AFF3: variants seen among roughly 807,000 people sequenced by gnomAD.
The protein encoded by AFF3 is ALF transcription elongation factor 3.
In AFF3, 32 loss-of-function variants were observed where a neutral mutation model predicts 129.7. That is an observed-to-expected ratio of 0.25 (90% CI 0.19 to 0.33). The LOEUF is 0.33. AFF3 is among the 10% of genes least tolerant of loss of function. The pLI, the probability that AFF3 is intolerant of heterozygous loss-of-function variation, is 1.00. For synonymous variants in AFF3, 644 were observed against 635.4 expected (o/e 1.01, Z -0.20); for missense variants, 1,373 against 1,592.0 (o/e 0.86, Z 2.34).
intron 13 of AFF3, among the ~76,000 whole-genome samples, chr2:99,649,358 G>A (rs186408483): frequency 4.6e-4 from 70 of 152,216 alleles, no homozygotes; most frequent in Admixed American, 3.8e-3. Context: ...AGAATTTACC[G>A]CACCACTCAG....
chr2:99,709,891 C>A (rs554924803), intron 11 of AFF3, among the ~76,000 whole-genome samples: 4 of 152,218 alleles, frequency 2.6e-5, no homozygotes, highest in Non-Finnish European at 5.9e-5. Flanking sequence ...ACTGGGTTTC[C>A]AGCCATCTGG....
At chr2:99,968,816 CCTTTAT>C (rs1292911038) in intron 7 of AFF3, among the ~76,000 whole-genome samples, 14 of 152,308 alleles carry the variant, frequency 9.2e-5, no homozygotes, top group Middle Eastern at 3.4e-3. Flanking sequence ...CCTGCCTTTC[CCTTTAT>C]AAGTTTCACC....
intron 8 of AFF3, among the ~76,000 whole-genome samples, chr2:99,788,292 C>T (rs1684953528): frequency 6.6e-6 from 1 of 151,960 alleles, no homozygotes; most frequent in East Asian, 1.9e-4. Flanking sequence ...ATGAGGTATC[C>T]AGAAGAAGGC....
chr2:99,688,559 G>A (rs561396340), intron 11 of AFF3, among the ~76,000 whole-genome samples: 17 of 152,230 alleles, frequency 1.1e-4, no homozygotes, highest in South Asian at 2.1e-4. Context: ...GTGACATTTC[G>A]TGTATTCCTT....
At chr2:99,928,295 T>C (rs888192906) in intron 7 of AFF3, among the ~76,000 whole-genome samples, 1 of 152,084 alleles carries the variant, frequency 6.6e-6, no homozygotes, top group South Asian at 2.1e-4. Flanking sequence ...TTCATGAAAA[T>C]CTCAACGCAG....
At chr2:100,034,784 A>C (rs1684777436) in intron 4 of AFF3, among the ~76,000 whole-genome samples, 1 of 152,208 alleles carries the variant, frequency 6.6e-6, no homozygotes. Context: ...ACAAGATCTA[A>C]TGATCACCTA....
At chr2:100,072,137 C>T (rs1688236986) in intron 4 of AFF3, among the ~76,000 whole-genome samples, 1 of 152,136 alleles carries the variant, frequency 6.6e-6, no homozygotes, top group Admixed American at 6.5e-5. Flanking sequence ...GTCCCCAACC[C>T]CCAGACCATA....
intron 7 of AFF3, among the ~76,000 whole-genome samples, chr2:99,898,368 A>C (rs1404283970): frequency 6.6e-6 from 1 of 152,202 alleles, no homozygotes; most frequent in Non-Finnish European, 1.5e-5. Context: ...AAGGACACTG[A>C]GGCACCGAGA....
chr2:99,809,506 C>A (rs547924769), intron 8 of AFF3, among the ~76,000 whole-genome samples: 101 of 152,306 alleles, frequency 6.6e-4, no homozygotes, highest in African/African-American at 2.3e-3. Context: ...TAGGTGATTA[C>A]CCAGTGTCTG....
intron 11 of AFF3, among the ~76,000 whole-genome samples, chr2:99,685,267 T>G (rs1674943886): frequency 6.6e-6 from 1 of 152,124 alleles, no homozygotes; most frequent in African/African-American, 2.4e-5. Flanking sequence ...GAGTTGAAAA[T>G]TAGGCCAAGT....
At chr2:99,958,661 G>A (rs919793264) in intron 7 of AFF3, among the ~76,000 whole-genome samples, 2 of 152,012 alleles carry the variant, frequency 1.3e-5, no homozygotes, top group African/African-American at 4.8e-5. Context: ...GGAAGGGGAG[G>A]TTGAAAATAA....
intron 9 of AFF3, 78 bp from the exon 10 acceptor site, chr2:99,744,218 A>T: frequency 7.6e-7 from 1 of 1,312,064 alleles, no homozygotes; most frequent in Non-Finnish European, 1.1e-6. Context: ...TCATGTTTAA[A>T]ACTGGTCATT....
chr2:99,833,230 A>G lies in AFF3; in HGVS notation c.921+4247T>C, dbSNP rs534657985. Among the ~76,000 whole-genome samples, 5 of 152,328 alleles carry G rather than the reference A, an allele frequency of 3.3e-5. No individual in the cohort carries two copies. The South Asian group carries it at 8.3e-4, about 25-fold the overall frequency. ...AAATCTCCCAGGACCACAACTGGAAATCATCCCATCCAGGATGCTCCTGAG... is the reference window on the plus strand; with the variant it reads ...AAATCTCCCAGGACCACAACTGGAAGTCATCCCATCCAGGATGCTCCTGAG... On this transcript the variant is annotated intron_variant, in intron 8 of 24. Coordinates refer to ENST00000672756, the MANE Select transcript of AFF3 (RefSeq NM_001386135.1).
chr2:99,986,243 T>A (rs1679860598), intron 7 of AFF3, among the ~76,000 whole-genome samples: 1 of 144,862 alleles, frequency 6.9e-6, no homozygotes, highest in Non-Finnish European at 1.5e-5. Context: ...ATAATAATAA[T>A]AATAATAATG....
chr2:99,763,222 C>A (rs1300336009), intron 8 of AFF3, among the ~76,000 whole-genome samples: 1 of 152,198 alleles, frequency 6.6e-6, no homozygotes, highest in Non-Finnish European at 1.5e-5. Flanking sequence ...AACACAGATT[C>A]CAGGGTCAGG....
At chr2:99,999,055 C>T (rs879745019) in intron 7 of AFF3, among the ~76,000 whole-genome samples, 92 of 152,064 alleles carry the variant, frequency 6.1e-4, no homozygotes, top group African/African-American at 2.1e-3. Context: ...ACAGCACACC[C>T]GCACACACTA....
At chr2:99,858,470 A>G (rs1690697058) in intron 7 of AFF3, among the ~76,000 whole-genome samples, 1 of 151,790 alleles carries the variant, frequency 6.6e-6, no homozygotes, top group Admixed American at 6.6e-5. Flanking sequence ...AGGACTGCCT[A>G]AGCCCAGGAG....
At chr2:100,132,852 A>G (rs1489703654) in intron 1 of AFF3, among the ~76,000 whole-genome samples, 1 of 151,916 alleles carries the variant, frequency 6.6e-6, no homozygotes, top group Non-Finnish European at 1.5e-5. Context: ...AAAAATTTTA[A>G]AAAATTGAAT....
chr2:99,576,192 C>A (rs1380611276), intron 18 of AFF3, among the ~76,000 whole-genome samples: 1 of 151,884 alleles, frequency 6.6e-6, no homozygotes, highest in Admixed American at 6.6e-5. Flanking sequence ...GCCACCACAC[C>A]TGGCTAATTG....
Sources: allele counts gnomAD v4.1 joint callset (sites outside exome capture counted in the v4.1 genomes callset), GRCh38; gene constraint gnomAD v4.1.1; transcripts MANE v1.5; gene names NCBI Gene and HGNC (gene_info 2026-07-23, HGNC 2026-07-21).